The following TPST1 variants were observed in gnomAD, a reference collection of about 807,000 sequenced individuals.
TPST1 encodes protein-tyrosine sulfotransferase 1.
A neutral mutation model predicts 34.8 loss-of-function variants in TPST1; 20 were observed. That is an observed-to-expected ratio of 0.57 (90% confidence interval 0.40 to 0.84). The LOEUF is 0.84. TPST1 is among the 40% of genes least tolerant of loss of function. The pLI, the probability that TPST1 is intolerant of heterozygous loss-of-function variation, is 0.00. For synonymous variants in TPST1, 152 were observed against 159.4 expected, an observed-to-expected ratio of 0.95 and a Z score of 0.35; for missense variants, 353 against 455.5, an observed-to-expected ratio of 0.78 and a Z score of 2.05.
At chr7:66,344,402 A>G (rs1247067108) in intron 3 of TPST1, 1 of 152,236 alleles carries the variant, frequency 6.6e-6, no homozygotes, top group Non-Finnish European at 1.5e-5. Flanking sequence ...GTCATGAAGC[A>G]TAGAAAAAAC....
intron 5 of TPST1, among the ~76,000 whole-genome samples, chr7:66,357,142 ATTG>A (rs1440389185): frequency 3.3e-5 from 5 of 152,212 alleles, no homozygotes; most frequent in African/African-American, 1.2e-4. Flanking sequence ...GCACAATAGT[ATTG>A]TTATTTTCAT....
intron 3 of TPST1, among the ~76,000 whole-genome samples, chr7:66,328,543 GT>G (rs773347145): frequency 1.3e-5 from 2 of 150,132 alleles, no homozygotes; most frequent in African/African-American, 2.4e-5. Flanking sequence ...AAATGAAATA[GT>G]TTTTTTTTGT....
intron 3 of TPST1, among the ~76,000 whole-genome samples, chr7:66,347,066 T>C (rs1358965742): frequency 4.5e-5 from 5 of 109,992 alleles, no homozygotes; most frequent in African/African-American, 1.1e-4. Flanking sequence ...TTTCTTTTTT[T>C]TTTTTTTTTT....
intron 3 of TPST1, among the ~76,000 whole-genome samples, chr7:66,328,886 C>CTG (rs757168858): frequency 4.5e-5 from 1 of 22,094 alleles, no homozygotes; most frequent in South Asian, 1.8e-3. Flanking sequence ...CTCTCTCTCT[C>CTG]TATATATATA....
intron 2 of TPST1, among the ~76,000 whole-genome samples, chr7:66,282,417 T>C (rs1202391080): frequency 6.6e-6 from 1 of 152,192 alleles, no homozygotes; most frequent in South Asian, 2.1e-4. Flanking sequence ...ATGGCCATGG[T>C]TATGTTCTAG....
intron 5 of TPST1, among the ~76,000 whole-genome samples, chr7:66,357,910 CT>C (rs1220259966): frequency 6.6e-6 from 1 of 152,112 alleles, no homozygotes; most frequent in Non-Finnish European, 1.5e-5. Flanking sequence ...ATAGTGAAAC[CT>C]CGTCTCTACT....
chr7:66,253,891 G>A (rs954973305), intron 2 of TPST1, among the ~76,000 whole-genome samples: 8 of 151,256 alleles, frequency 5.3e-5, no homozygotes, highest in African/African-American at 1.7e-4. Context: ...ATAAAAATTA[G>A]CTGGGCATGG....
At chr7:66,269,563 A>G (rs1055279690) in intron 2 of TPST1, among the ~76,000 whole-genome samples, 2 of 151,964 alleles carry the variant, frequency 1.3e-5, no homozygotes, top group Admixed American at 6.6e-5. Context: ...TCATAATAAA[A>G]GCTCTTAAGA....
chr7:66,328,376 A>G (rs1049114264), intron 3 of TPST1, among the ~76,000 whole-genome samples: 3 of 152,022 alleles, frequency 2.0e-5, no homozygotes, highest in Non-Finnish European at 4.4e-5. Flanking sequence ...ACTATGCTCA[A>G]TCATTTATAT....
At chr7:66,328,584 G>GC (rs926591542) in intron 3 of TPST1, among the ~76,000 whole-genome samples, 2 of 151,130 alleles carry the variant, frequency 1.3e-5, no homozygotes, top group Non-Finnish European at 2.9e-5. Flanking sequence ...TCACTCTGTC[G>GC]CCCAGGCTGG....
chr7:66,237,257 C>T (rs1789929848), intron 1 of TPST1, among the ~76,000 whole-genome samples: 1 of 152,216 alleles, frequency 6.6e-6, no homozygotes, highest in Non-Finnish European at 1.5e-5. Flanking sequence ...CTTGCAGAAC[C>T]TCTGTACCTA....
intron 1 of TPST1, among the ~76,000 whole-genome samples, chr7:66,232,644 A>G (rs1382885273): frequency 6.6e-6 from 1 of 152,138 alleles, no homozygotes; most frequent in East Asian, 1.9e-4. Flanking sequence ...GGCATGAGCC[A>G]CCGCGCCCGG....
At chr7:66,249,813 A>G (rs1790225751) in intron 2 of TPST1, among the ~76,000 whole-genome samples, 1 of 152,190 alleles carries the variant, frequency 6.6e-6, no homozygotes, top group African/African-American at 2.4e-5. Context: ...TGTGCCTGCA[A>G]CACCTTTCTC....
intron 1 of TPST1, among the ~76,000 whole-genome samples, chr7:66,234,301 G>A (rs144459310): frequency 1.3e-5 from 2 of 152,080 alleles, no homozygotes; most frequent in African/African-American, 4.8e-5. Context: ...TTAAAAGAAA[G>A]ACTGTTCTTT....
Position 66,296,247 on chromosome 7 carries a change from TCC to T in TPST1, c.1044+9547_1044+9548del, listed in dbSNP as rs1554349788. On this transcript the variant is annotated intron_variant, in intron 3 of 5. Transcript: ENST00000304842. ...ACTGAAATTAAAAAACACCCACCCTTCCCCCCCCCCTCCCCCACCGTCTCTGC... is the reference window on the plus strand; with the variant it reads ...ACTGAAATTAAAAAACACCCACCCTTCCCCCCCCTCCCCCACCGTCTCTGC... Among the ~76,000 whole-genome samples the T allele has an allele frequency of 4.2e-4, 17 of 40,116 alleles. 1 individual carries two copies. The highest frequency in any genetic ancestry group is 1.6e-3 in the East Asian group (3 of 1,868). The allele number at this position is 40,116 out of a possible 152,430, so 26.3% of individuals were successfully genotyped here.
intron 1 of TPST1, among the ~76,000 whole-genome samples, chr7:66,217,441 C>G (rs1227141792): frequency 6.6e-6 from 1 of 151,998 alleles, no homozygotes; most frequent in South Asian, 2.1e-4. Flanking sequence ...TATAAAATGT[C>G]TTTTTTGTCT....
chr7:66,209,837 T>G (rs767075738), intron 1 of TPST1, among the ~76,000 whole-genome samples: 5 of 152,160 alleles, frequency 3.3e-5, no homozygotes, highest in Admixed American at 1.3e-4. Flanking sequence ...TTGATTATGT[T>G]TATTTATTTT....
chr7:66,234,024 A>C (rs777018887), intron 1 of TPST1, among the ~76,000 whole-genome samples: 1 of 152,026 alleles, frequency 6.6e-6, no homozygotes, highest in Non-Finnish European at 1.5e-5. Context: ...ACCACGGCTA[A>C]TTTTTGTATT....
At chr7:66,295,328 C>G (rs1229403728) in intron 3 of TPST1, among the ~76,000 whole-genome samples, 1 of 152,046 alleles carries the variant, frequency 6.6e-6, no homozygotes, top group African/African-American at 2.4e-5. Context: ...AACCCCATCT[C>G]TACAAAAAAT....
Sources: gnomAD v4.1 joint callset for allele counts (sites outside exome capture counted in the v4.1 genomes callset) on GRCh38, gnomAD v4.1.1 for gene constraint, MANE v1.5 for transcripts, NCBI Gene and HGNC (gene_info 2026-07-23, HGNC 2026-07-21) for gene names.